Variants in CNTNAP2 observed in about 807,000 individuals in gnomAD.
CNTNAP2 encodes the protein contactin associated protein 2.
In CNTNAP2, 98 loss-of-function variants were observed where a neutral mutation model predicts 155.2. The ratio of observed to expected loss-of-function variants is 0.63; its 90% confidence interval spans 0.54 to 0.75. The LOEUF is 0.75. Ranked by LOEUF, CNTNAP2 falls within the 30% of genes least tolerant of loss-of-function variation. The probability of loss-of-function intolerance (pLI) is 0.00; values close to 1 mark genes in which losing one functional copy is unlikely to be tolerated. For missense variants in CNTNAP2, 1,727 were observed against 1,688.1 expected, an observed-to-expected ratio of 1.02 and a Z score of -0.40; for synonymous variants, 651 against 631.2, an observed-to-expected ratio of 1.03 and a Z score of -0.47.
intron 15 of CNTNAP2, among the ~76,000 whole-genome samples, chr7:147,990,311 GA>G (rs1391908854): frequency 6.6e-6 from 1 of 152,182 alleles, no homozygotes; most frequent in African/African-American, 2.4e-5. Context: ...AACAGTCAAA[GA>G]CAGGTTTATT....
At chr7:146,351,925 A>G (rs1411302007) in intron 1 of CNTNAP2, among the ~76,000 whole-genome samples, 3 of 152,228 alleles carry the variant, frequency 2.0e-5, no homozygotes, top group Non-Finnish European at 2.9e-5. Flanking sequence ...TTTTAAAACA[A>G]CATAACGTAT....
At chr7:146,397,182 T>G (rs1200073924) in intron 1 of CNTNAP2, among the ~76,000 whole-genome samples, 1 of 152,210 alleles carries the variant, frequency 6.6e-6, no homozygotes, top group Non-Finnish European at 1.5e-5. Flanking sequence ...GTAAACTGAT[T>G]CTGGGTCCAT....
Position 146,952,882 on chromosome 7 carries a change from A to G in CNTNAP2, c.403-91025A>G, listed in dbSNP as rs184473444. 7.5e-4 allele frequency among the ~76,000 whole-genome samples: 114 copies of G among 152,212 alleles called. 1 individual carries two copies. The highest frequency in any genetic ancestry group is 2.5e-3 in the African/African-American group (105 of 41,564). The stretch of plus-strand genomic sequence containing the variant: ...GTACAAATTTTTTATAGACAGAATC[A>G]TAGGAATTTCTGAACCTAAAAATAT... On this transcript the variant is annotated intron_variant, in intron 3 of 23. Transcript: ENST00000361727.
At position 147,767,367 on chromosome 7, in the gene CNTNAP2, G is replaced by A. The variant is rs999666722; in HGVS notation, c.2098+128061G>A. 3.3e-5 allele frequency among the ~76,000 whole-genome samples: 5 copies of A among 152,076 alleles called. No individual in the cohort carries two copies. In the East Asian group the frequency reaches 7.7e-4, roughly 23 times the overall value. ...ACTGACAGCTCTGAGTTGACTCCAGGACAATTAGAAAGAAATTTCCGTAAT... is the reference window on the plus strand; with the variant it reads ...ACTGACAGCTCTGAGTTGACTCCAGAACAATTAGAAAGAAATTTCCGTAAT... On this transcript the variant is annotated intron_variant, in intron 13 of 23. Transcript: ENST00000361727.
chr7:148,328,518 T>C (rs1037079717), intron 21 of CNTNAP2, among the ~76,000 whole-genome samples: 2 of 128,628 alleles, frequency 1.6e-5, no homozygotes, highest in African/African-American at 2.9e-5. Context: ...TCAATAGGCC[T>C]TGGGGCCATG....
At chr7:148,035,124 G>A (rs1208769502) in intron 15 of CNTNAP2, among the ~76,000 whole-genome samples, 1 of 152,170 alleles carries the variant, frequency 6.6e-6, no homozygotes, top group African/African-American at 2.4e-5. Flanking sequence ...ATGATTTAAA[G>A]ACAGAACTTA....
chr7:146,886,473 A>G (rs1309392413), intron 3 of CNTNAP2, among the ~76,000 whole-genome samples: 4 of 152,066 alleles, frequency 2.6e-5, no homozygotes, highest in Non-Finnish European at 5.9e-5. Flanking sequence ...GGTATATTCA[A>G]TAAGACTACT....
At chr7:147,903,382 G>C (rs1799906997) in intron 13 of CNTNAP2, among the ~76,000 whole-genome samples, 183 bp from the exon 14 acceptor site, 1 of 152,176 alleles carries the variant, frequency 6.6e-6, no homozygotes, top group Non-Finnish European at 1.5e-5. Context: ...TCCTTTGTCA[G>C]ATAGATAGAC....
At chr7:147,830,038 T>C (rs1364817409) in intron 13 of CNTNAP2, among the ~76,000 whole-genome samples, 1 of 151,984 alleles carries the variant, frequency 6.6e-6, no homozygotes, top group East Asian at 1.9e-4. Context: ...AAGAGTCTCA[T>C]GCACCCGTTC....
chr7:146,402,114 T>C (rs997176493), intron 1 of CNTNAP2, among the ~76,000 whole-genome samples: 5 of 152,290 alleles, frequency 3.3e-5, no homozygotes, highest in African/African-American at 1.2e-4. Context: ...TATATAATGA[T>C]CTTTTATACA....
chr7:147,368,578 C>T (rs543206661), intron 9 of CNTNAP2, among the ~76,000 whole-genome samples: 4 of 152,192 alleles, frequency 2.6e-5, no homozygotes, highest in East Asian at 3.9e-4. Flanking sequence ...GCCCACGGCC[C>T]GGTCAGAGCT....
At chr7:146,696,162 G>A (rs995513995) in intron 1 of CNTNAP2, among the ~76,000 whole-genome samples, 1 of 151,976 alleles carries the variant, frequency 6.6e-6, no homozygotes, top group African/African-American at 2.4e-5. Context: ...GAAACATCTG[G>A]GACTGATGCT....
At chr7:148,002,829 G>A (rs562380451) in intron 15 of CNTNAP2, among the ~76,000 whole-genome samples, 3 of 152,196 alleles carry the variant, frequency 2.0e-5, no homozygotes, top group Admixed American at 2.0e-4. Context: ...AGACATGGAG[G>A]GAGCTCAAGT....
chr7:146,224,265 A>G (rs1799255064), intron 1 of CNTNAP2, among the ~76,000 whole-genome samples: 1 of 152,180 alleles, frequency 6.6e-6, no homozygotes, highest in African/African-American at 2.4e-5. Flanking sequence ...GTCAGGAAAT[A>G]AACAGCTTTC....
chr7:146,668,428 CTGTGTGTG>C (rs573459590), intron 1 of CNTNAP2, among the ~76,000 whole-genome samples: 1,475 of 115,550 alleles, frequency 0.013, 19 homozygotes, highest in African/African-American at 0.036. Flanking sequence ...TGTAATTTTC[CTGTGTGTG>C]TGTGTGTGTG....
intron 13 of CNTNAP2, among the ~76,000 whole-genome samples, chr7:147,725,994 C>A (rs1389991489): frequency 6.6e-6 from 1 of 151,772 alleles, no homozygotes; most frequent in East Asian, 1.9e-4. Flanking sequence ...AACAAGAAAA[C>A]AACAGGAGAT....
chr7:146,509,125 A>G (rs959583145), intron 1 of CNTNAP2, among the ~76,000 whole-genome samples: 1 of 152,328 alleles, frequency 6.6e-6, no homozygotes, highest in East Asian at 1.9e-4. Context: ...GCCCTCGGGT[A>G]TTCGGATCAA....
chr7:146,141,664 T>G (rs551249965), intron 1 of CNTNAP2, among the ~76,000 whole-genome samples: 8 of 152,262 alleles, frequency 5.3e-5, no homozygotes, highest in African/African-American at 1.9e-4. Flanking sequence ...GGTTTTCTTT[T>G]CAAGCATTAA....
intron 17 of CNTNAP2, among the ~76,000 whole-genome samples, chr7:148,156,422 C>G (rs1478889296): frequency 6.6e-6 from 1 of 152,082 alleles, no homozygotes; most frequent in Non-Finnish European, 1.5e-5. Context: ...TGCTGTCCTG[C>G]TTATTTTTCC....
Sources: allele counts gnomAD v4.1 joint callset (sites outside exome capture counted in the v4.1 genomes callset), GRCh38; gene constraint gnomAD v4.1.1; transcripts MANE v1.5; gene names NCBI Gene and HGNC (gene_info 2026-07-23, HGNC 2026-07-21).